ARHGAP23: variants seen among roughly 807,000 people sequenced by gnomAD.
ARHGAP23 encodes rho GTPase-activating protein 23.
In ARHGAP23, 34 loss-of-function variants were observed where a neutral mutation model predicts 136.3. That is an observed-to-expected ratio of 0.25 (90% CI 0.19 to 0.33). ARHGAP23 has a LOEUF of 0.33. Ranked by LOEUF, ARHGAP23 falls within the 10% of genes least tolerant of loss-of-function variation. The pLI is 1.00. For synonymous variants in ARHGAP23, 832 were observed against 920.5 expected (o/e 0.90, Z 1.74); for missense variants, 1,808 against 2,139.0 (o/e 0.85, Z 3.05).
rs142536890 is a variant in ARHGAP23, at chr17:38,500,932, C to T, written c.3447+304C>T. 3,450 of 406,354 alleles carry T rather than the reference C, an allele frequency of 8.5e-3. 65 individuals are homozygous for T. Among genetic ancestry groups the T allele is most frequent in the African/African-American group, 0.047 (2,337 of 49,228 alleles). The allele number at this position is 406,354 out of a possible 1,614,324, so 25.2% of individuals were successfully genotyped here. A position where few individuals can be genotyped will look rare whatever the true frequency, so the allele number is the denominator to read the frequency against. The stretch of plus-strand genomic sequence containing the variant: ...AGACAGTCCTGGGTTTGAGTTCTGG[C>T]TCCACCATTTAGTAGTTTGGGACAT... On this transcript the variant is annotated intron_variant, in intron 23 of 23. Coordinates refer to ENST00000622683, the MANE Select transcript of ARHGAP23 (RefSeq NM_001199417.2).
At chr17:38,438,367 TGGA>T (rs2038850398) in intron 1 of ARHGAP23, among the ~76,000 whole-genome samples, 1 of 142,552 alleles carries the variant, frequency 7.0e-6, no homozygotes, top group Non-Finnish European at 1.5e-5. Flanking sequence ...AAGAAAGGGA[TGGA>T]GGAGAAGGGA....
intron 17 of ARHGAP23, among the ~76,000 whole-genome samples, chr17:38,486,796 G>C (rs2040170095): frequency 6.6e-6 from 1 of 152,230 alleles, no homozygotes; most frequent in African/African-American, 2.4e-5. Context: ...AGGTCGCACA[G>C]GTTGTAAATG....
Position 38,510,718 on chromosome 17 carries a change from G to A in ARHGAP23, c.4222G>A (p.Val1408Met). Residue 1408 changes from valine (V) to methionine (M), a missense_variant, in exon 24 of 24, where the codon GTG becomes ATG. Coordinates refer to ENST00000622683, the MANE Select transcript of ARHGAP23 (RefSeq NM_001199417.2). The surrounding 1 kb of genome is among the most constrained non-coding windows in gnomAD (Gnocchi z 4.6). Reference protein sequence around the residue: ...RRRSSWRRHTVVVQSPLTDLN... With the variant: ...RRRSSWRRHTMVVQSPLTDLN... ...CCGGAGCAGCTGGCGCCGCCACACC[G>A]TGGTGGTGCAGAGCCCGCTGACTGA... 1.4e-6 allele frequency: 2 copies of A among 1,458,348 alleles called. No individual in the cohort carries two copies. The highest frequency in any genetic ancestry group is 3.0e-5 in the East Asian group (1 of 33,114). The allele number at this position is 1,458,348 out of a possible 1,614,324, so 90.3% of individuals were successfully genotyped here.
chr17:38,429,762 C>T (rs1014325141), intron 1 of ARHGAP23, among the ~76,000 whole-genome samples: 4 of 152,036 alleles, frequency 2.6e-5, no homozygotes, highest in South Asian at 4.1e-4. Flanking sequence ...GGATTCAATC[C>T]CCCACCAGCA....
intron 14 of ARHGAP23, 119 bp downstream of exon 14, chr17:38,480,002 CTACCGG>C: frequency 7.2e-7 from 1 of 1,384,086 alleles, no homozygotes; most frequent in Non-Finnish European, 9.8e-7. Context: ...TGTGCCAGGG[CTACCGG>C]TATGTCTGTC....
intron 1 of ARHGAP23, among the ~76,000 whole-genome samples, chr17:38,448,641 G>GTTTTTTTT (rs11327949): frequency 4.7e-5 from 5 of 106,164 alleles, no homozygotes; most frequent in African/African-American, 1.6e-4. Context: ...AACTTGGGGA[G>GTTTTTTTT]TTTTTTTTTT....
intron 1 of ARHGAP23, among the ~76,000 whole-genome samples, chr17:38,420,827 A>G (rs957222318): frequency 6.9e-6 from 1 of 144,122 alleles, no homozygotes; most frequent in East Asian, 2.3e-4. Context: ...GAACACAAAA[A>G]TAGTGGTAGG....
chr17:38,440,631 C>G (rs985709952), intron 1 of ARHGAP23, among the ~76,000 whole-genome samples: 14 of 152,204 alleles, frequency 9.2e-5, no homozygotes, highest in Non-Finnish European at 1.5e-4. Context: ...CGGTGCCAGG[C>G]CCTTGGTGGC....
chr17:38,449,596 C>T (rs1033372192), intron 1 of ARHGAP23, among the ~76,000 whole-genome samples: 1 of 152,164 alleles, frequency 6.6e-6, no homozygotes, highest in Non-Finnish European at 1.5e-5. Context: ...GAGGCCCAGG[C>T]GTGGGCGGGG....
At chr17:38,479,157 G>A (rs2039970610) in intron 12 of ARHGAP23, among the ~76,000 whole-genome samples, 1 of 152,220 alleles carries the variant, frequency 6.6e-6, no homozygotes, top group South Asian at 2.1e-4. Flanking sequence ...TGCCAGGACG[G>A]TGGCGAGTGC....
intron 9 of ARHGAP23, 25 bp from the exon 10 acceptor site, chr17:38,469,822 C>T: frequency 5.8e-6 from 9 of 1,551,482 alleles, no homozygotes; most frequent in Non-Finnish European, 5.2e-6. Context: ...GCCCACATCC[C>T]TCACCCTCGA....
At chr17:38,476,438 A>T (rs1199748843) in intron 11 of ARHGAP23, among the ~76,000 whole-genome samples, 1 of 152,120 alleles carries the variant, frequency 6.6e-6, no homozygotes, top group Non-Finnish European at 1.5e-5. Context: ...ACTGGGCTGG[A>T]AAAGATGGGG....
At chr17:38,491,334 A>G in intron 19 of ARHGAP23, 73 bp from the exon 20 acceptor site, 2 of 1,540,594 alleles carry the variant, frequency 1.3e-6, no homozygotes, top group South Asian at 2.4e-5. Context: ...TTGGGGACAG[A>G]GGCCTCAGGT....
At chr17:38,507,970 T>C (rs1185855257) in intron 23 of ARHGAP23, among the ~76,000 whole-genome samples, 1 of 152,256 alleles carries the variant, frequency 6.6e-6, no homozygotes, top group East Asian at 1.9e-4. Flanking sequence ...TGTCAGGTCA[T>C]TCCAGCCCAA....
At chr17:38,441,096 G>A (rs541752901) in intron 1 of ARHGAP23, among the ~76,000 whole-genome samples, 1 of 152,218 alleles carries the variant, frequency 6.6e-6, no homozygotes, top group Non-Finnish European at 1.5e-5. Context: ...TTTGCTGAGT[G>A]ACCATTCGGC....
intron 1 of ARHGAP23, among the ~76,000 whole-genome samples, chr17:38,433,877 C>G (rs1325865424): frequency 6.6e-6 from 1 of 152,198 alleles, no homozygotes; most frequent in Non-Finnish European, 1.5e-5. Context: ...AGAGAGGAGC[C>G]TGGGCCACTG....
intron 20 of ARHGAP23, among the ~76,000 whole-genome samples, chr17:38,493,076 T>G (rs1856145855): frequency 1.3e-5 from 2 of 152,218 alleles, no homozygotes; most frequent in Admixed American, 1.3e-4. Context: ...CATTTAGCAC[T>G]GACACTACTG....
chr17:38,445,303 TAAAAA>T (rs61636599), intron 1 of ARHGAP23, among the ~76,000 whole-genome samples: 47 of 111,568 alleles, frequency 4.2e-4, no homozygotes, highest in African/African-American at 1.2e-3. Context: ...TGTCTCTACT[TAAAAA>T]AAAAAAAAAA....
chr17:38,421,669 T>G (rs571943540), intron 1 of ARHGAP23, among the ~76,000 whole-genome samples: 3 of 152,302 alleles, frequency 2.0e-5, no homozygotes, highest in Admixed American at 1.3e-4. Flanking sequence ...CTGGAACTGC[T>G]GGGTGGGGTG....
Sources: allele counts gnomAD v4.1 joint callset (sites outside exome capture counted in the v4.1 genomes callset), GRCh38; gene constraint gnomAD v4.1.1; non-coding constraint Gnocchi (gnomAD v3.1); transcripts MANE v1.5; gene names NCBI Gene and HGNC (gene_info 2026-07-23, HGNC 2026-07-21).